Variants in DDX46 observed in about 807,000 individuals in gnomAD.
DDX46 encodes the protein probable ATP-dependent RNA helicase DDX46.
Under a neutral mutation model 134.9 loss-of-function variants are expected in DDX46, and 30 were observed. The ratio of observed to expected loss-of-function variants is 0.22; its 90% confidence interval spans 0.17 to 0.30. The LOEUF (loss-of-function observed/expected upper bound fraction) is 0.30. Among genes scored for constraint, DDX46 ranks in the 10% least tolerant of loss-of-function variants. The pLI is 1.00. For missense variants in DDX46, 622 were observed against 1,248.7 expected (o/e 0.50, Z 7.56); for synonymous variants, 415 against 404.1 (o/e 1.03, Z -0.32).
At position 134,796,116 on chromosome 5, in the gene DDX46, G is replaced by A; in HGVS notation, c.1920G>A (p.Met640Ile). The A allele has an allele frequency of 3.1e-6, 5 of 1,613,728 alleles. No homozygotes were observed. The highest frequency in any genetic ancestry group is 4.2e-6 in the Non-Finnish European group (5 of 1,179,908). Residue 640 changes from methionine to isoleucine, a missense_variant, in exon 15 of 23, where the codon ATG becomes ATA. Coordinates refer to ENST00000452510, the MANE Select transcript of DDX46 (RefSeq NM_001300860.2). ...CTGATGGTCTTCTTAAGGATTTAAT[G>A]AGAGCATCTTATCCTTGCATGTCTC... Reference protein sequence around the residue: ...EHADGLLKDLMRASYPCMSLH... With the variant: ...EHADGLLKDLIRASYPCMSLH...
At chr5:134,819,756 A>G (rs761117912) in intron 21 of DDX46, among the ~76,000 whole-genome samples, 1 of 150,016 alleles carries the variant, frequency 6.7e-6, no homozygotes, top group Non-Finnish European at 1.5e-5. Flanking sequence ...CTGGTCTCCA[A>G]CTCCTCAGCT....
chr5:134,791,274 A>G lies in DDX46; in HGVS notation c.1626+722A>G, dbSNP rs553351418. ...GCTTAGGTTTTTATGTTCCTTATAT[A>G]TGCTCTTTGCTCAGGTACAAAATTT... On this transcript the variant is annotated intron_variant, in intron 13 of 22. Transcript: ENST00000452510. Among the ~76,000 whole-genome samples, 42 of 152,336 alleles carry G rather than the reference A, an allele frequency of 2.8e-4. 1 individual carries two copies. In the South Asian group the frequency reaches 8.1e-3, roughly 29 times the overall value.
rs1375182755 is a variant in DDX46 at position 134,807,869 on chromosome 5, A to G, written c.2076A>G (p.Val692=). 2 of 1,614,210 alleles carry G rather than the reference A, an allele frequency of 1.2e-6. No individual in the cohort carries two copies. The highest frequency in any genetic ancestry group is 1.7e-6 in the Non-Finnish European group (2 of 1,180,026). ...GLDVKHLILV[V]NYSCPNHYED... is the part of the protein sequence containing the mutation. ...ATGTGAAACATCTGATTCTTGTAGT[A>G]AATTATAGCTGCCCCAACCATTATG... The change falls in exon 16 of 23, where the codon GTA becomes GTG. Residue 692 remains valine, a synonymous_variant. Coordinates refer to ENST00000452510, the MANE Select transcript of DDX46 (RefSeq NM_001300860.2).
At chr5:134,774,290 CCTTT>C (rs1322157488) in intron 5 of DDX46, among the ~76,000 whole-genome samples, 1 of 151,676 alleles carries the variant, frequency 6.6e-6, no homozygotes, top group African/African-American at 2.4e-5. Flanking sequence ...GTTGGAATTT[CCTTT>C]CTTTATATGG....
intron 6 of DDX46, among the ~76,000 whole-genome samples, chr5:134,779,749 C>G (rs1470100270): frequency 6.6e-6 from 1 of 152,190 alleles, no homozygotes; most frequent in African/African-American, 2.4e-5. Flanking sequence ...CTTGGCCTCC[C>G]AAAGTGCTGG....
intron 1 of DDX46, among the ~76,000 whole-genome samples, chr5:134,762,929 G>C (rs1359198247): frequency 2.0e-5 from 3 of 151,608 alleles, no homozygotes; most frequent in Non-Finnish European, 4.4e-5. Flanking sequence ...CGTAATGGCG[G>C]ACGCCTATAG....
intron 4 of DDX46, 89 bp downstream of exon 4, chr5:134,771,088 T>C (rs948676614): frequency 6.7e-6 from 4 of 599,500 alleles, no homozygotes; most frequent in Non-Finnish European, 1.1e-5. Flanking sequence ...TTTCTTTCTT[T>C]CTCTTTCTTT....
At chr5:134,772,517 T>TG (rs1292791383) in intron 4 of DDX46, among the ~76,000 whole-genome samples, 1 of 151,612 alleles carries the variant, frequency 6.6e-6, no homozygotes, top group African/African-American at 2.4e-5. Context: ...AGACTCTGTC[T>TG]GGAAAAAAAA....
At chr5:134,827,598 G>C (rs776345591) in intron 22 of DDX46, among the ~76,000 whole-genome samples, 2 of 152,130 alleles carry the variant, frequency 1.3e-5, no homozygotes, top group African/African-American at 4.8e-5. Flanking sequence ...TAAAATCATA[G>C]ATTAGTTTTT....
intron 3 of DDX46, among the ~76,000 whole-genome samples, chr5:134,767,718 A>G (rs1334764116): frequency 6.6e-6 from 1 of 151,702 alleles, no homozygotes; most frequent in East Asian, 2.0e-4. Context: ...TGGGAGGCCA[A>G]GGTGGGCGGA....
intron 13 of DDX46, among the ~76,000 whole-genome samples, chr5:134,790,808 T>G (rs1754478478): frequency 6.6e-6 from 1 of 152,202 alleles, no homozygotes; most frequent in African/African-American, 2.4e-5. Flanking sequence ...ATTGGAGTGC[T>G]AATAATAGAG....
chr5:134,761,716 T>C (rs1015980229), intron 1 of DDX46, among the ~76,000 whole-genome samples: 8 of 152,204 alleles, frequency 5.3e-5, no homozygotes, highest in African/African-American at 1.7e-4. Context: ...GGCAACTGAG[T>C]GATTTCTCTC....
chr5:134,805,305 C>T (rs533621049), intron 15 of DDX46, among the ~76,000 whole-genome samples: 24 of 151,678 alleles, frequency 1.6e-4, no homozygotes, highest in Admixed American at 7.9e-4. Context: ...GTCGCTGGGT[C>T]TATAGGCGCC....
At chr5:134,790,642 C>A in intron 13 of DDX46, 90 bp downstream of exon 13, 2 of 1,083,600 alleles carry the variant, frequency 1.8e-6, no homozygotes, top group African/African-American at 1.6e-5. Context: ...TTCTGAAATT[C>A]ACACACACAC....
Position 134,802,159 on chromosome 5 carries a change from CTTTTTTTTTTTT to C in DDX46, c.1955-5578_1955-5567del, listed in dbSNP as rs542615882. Among the ~76,000 whole-genome samples, 263 of 73,266 alleles carry C rather than the reference CTTTTTTTTTTTT, an allele frequency of 3.6e-3. 3 individuals carry two copies. Among genetic ancestry groups the C allele is most frequent in the Middle Eastern group, 0.011 (1 of 92 alleles). 48.1% of individuals were successfully genotyped at this position (73,266 alleles called of 152,430 possible). A position where few individuals can be genotyped will look rare whatever the true frequency, so the allele number is the denominator to read the frequency against. ...GTAGATCAAATTGGATAATTTCTTT[CTTTTTTTTTTTT>C]TTTTTTTTTTGAGATGGAGTTTTCT... On this transcript the variant is annotated intron_variant, in intron 15 of 22. Transcript: ENST00000452510.
In DDX46 at chr5:134,785,543, T is replaced by G; in HGVS notation, c.1421T>G (p.Leu474Arg). The G allele has an allele frequency of 6.2e-7, 1 of 1,613,872 alleles. No homozygotes were observed. The highest frequency in any genetic ancestry group is 8.5e-7 in the Non-Finnish European group (1 of 1,179,886). ...AAGAAGTTTTCCAAGACTTTGGGAC[T>G]TAGAGTGGTCTGTGTTTACGGAGGA... ...ECKKFSKTLG[L>R]RVVCVYGGTG... The change falls in exon 11 of 23, where the codon CTT (leucine) becomes CGT (arginine). Residue 474 changes from leucine (L) to arginine (R), a missense_variant. Physicochemically the swap from Leu to Arg is moderately radical, Grantham distance 102. Coordinates refer to ENST00000452510, the MANE Select transcript of DDX46 (RefSeq NM_001300860.2).
intron 3 of DDX46, among the ~76,000 whole-genome samples, chr5:134,767,723 G>A (rs1753620947): frequency 6.6e-6 from 1 of 151,654 alleles, no homozygotes. Flanking sequence ...GGCCAAGGTG[G>A]GCGGATCACC....
At chr5:134,787,080 A>T (rs1401043365) in intron 11 of DDX46, among the ~76,000 whole-genome samples, 1 of 151,642 alleles carries the variant, frequency 6.6e-6, no homozygotes, top group Non-Finnish European at 1.5e-5. Flanking sequence ...ATGCTACCAC[A>T]CCCGGCTAGT....
intron 18 of DDX46, among the ~76,000 whole-genome samples, chr5:134,814,816 A>G (rs1755241992): frequency 6.6e-6 from 1 of 152,150 alleles, no homozygotes. Context: ...AGGTTTCGCC[A>G]TGTTGCCCAG....
Sources: gnomAD v4.1 joint callset for allele counts (sites outside exome capture counted in the v4.1 genomes callset) on GRCh38, gnomAD v4.1.1 for gene constraint, MANE v1.5 for transcripts, NCBI Gene and HGNC (gene_info 2026-07-23, HGNC 2026-07-21) for gene names.